Variants in NEK10 observed in about 807,000 individuals in gnomAD.
The protein encoded by NEK10 is NIMA related kinase 10.
In NEK10, 122 loss-of-function variants were observed where a neutral mutation model predicts 159.8. The ratio of observed to expected loss-of-function variants is 0.76; its 90% CI spans 0.66 to 0.89. NEK10 has a LOEUF of 0.89. Ranked by LOEUF, NEK10 falls within the 40% of genes least tolerant of loss-of-function variation. NEK10 has a pLI of 0.00. For missense variants in NEK10, 1,342 were observed against 1,323.1 expected, an observed-to-expected ratio of 1.01 and a Z score of -0.22; for synonymous variants, 466 against 457.1, an observed-to-expected ratio of 1.02 and a Z score of -0.25.
At chr3:27,165,231 A>T (rs1319745315) in intron 29 of NEK10, among the ~76,000 whole-genome samples, 1 of 152,234 alleles carries the variant, frequency 6.6e-6, no homozygotes, top group Non-Finnish European at 1.5e-5. Flanking sequence ...TTTCTCTGGA[A>T]ATTATATCAC....
intron 22 of NEK10, among the ~76,000 whole-genome samples, chr3:27,276,011 C>A (rs2041744722): frequency 6.6e-6 from 1 of 152,016 alleles, no homozygotes; most frequent in Non-Finnish European, 1.5e-5. Flanking sequence ...TTGTTTTAAG[C>A]ACTCTTTCTA....
intron 1 of NEK10, among the ~76,000 whole-genome samples, chr3:27,353,813 G>C (rs562569980): frequency 6.6e-6 from 1 of 151,882 alleles, no homozygotes; most frequent in Non-Finnish European, 1.5e-5. Flanking sequence ...TCTACCACAA[G>C]CAAAAAAACA....
At chr3:27,312,374 C>T (rs537029252) in intron 7 of NEK10, among the ~76,000 whole-genome samples, 197 bp from the exon 8 acceptor site, 3 of 152,150 alleles carry the variant, frequency 2.0e-5, no homozygotes, top group South Asian at 2.1e-4. Context: ...GCTTCTCTTG[C>T]GTGCTATGAA....
chr3:27,221,955 A>G (rs567276172), intron 23 of NEK10, among the ~76,000 whole-genome samples: 51 of 152,350 alleles, frequency 3.3e-4, no homozygotes, highest in African/African-American at 1.2e-3. Flanking sequence ...CATACATCGT[A>G]AAAGTATAAA....
chr3:27,293,739 T>C, intron 15 of NEK10, 87 bp from the exon 16 acceptor site: 1 of 710,054 alleles, frequency 1.4e-6, no homozygotes, highest in Non-Finnish European at 2.3e-6. Context: ...AAGTAAACAT[T>C]AACGTGACTT....
chr3:27,210,236 C>G (rs945581879), intron 23 of NEK10, among the ~76,000 whole-genome samples: 1 of 152,084 alleles, frequency 6.6e-6, no homozygotes, highest in African/African-American at 2.4e-5. Context: ...CTGGTGAGGG[C>G]CCTCTTGCTG....
chr3:27,158,117 AC>A (rs1381221680), intron 30 of NEK10, among the ~76,000 whole-genome samples: 3 of 152,172 alleles, frequency 2.0e-5, no homozygotes, highest in Non-Finnish European at 4.4e-5. Flanking sequence ...CCGGGACGGA[AC>A]CTGCAATATC....
intron 23 of NEK10, among the ~76,000 whole-genome samples, chr3:27,205,919 G>A (rs1030040019): frequency 8.7e-5 from 13 of 150,274 alleles, no homozygotes; most frequent in Non-Finnish European, 1.9e-4. Context: ...GAGTGAACAG[G>A]CAACCTACAA....
chr3:27,182,204 A>G (rs575798598), intron 26 of NEK10, among the ~76,000 whole-genome samples: 1 of 152,310 alleles, frequency 6.6e-6, no homozygotes, highest in East Asian at 1.9e-4. Flanking sequence ...AAGTGTTCTC[A>G]CCACAAAAAT....
At position 27,291,396 on chromosome 3, in the gene NEK10, C is replaced by T. The variant is rs755341486; in HGVS notation, c.1477-6G>A. Reference sequence around the variant, plus strand: ...ATTTGCTTCAGTTCATCCTCCTAATCAAAATATAAAAAGGAAATGGGTTTC... The same window carrying T: ...ATTTGCTTCAGTTCATCCTCCTAATTAAAATATAAAAAGGAAATGGGTTTC... On this transcript the variant is annotated splice_region_variant and splice_polypyrimidine_tract_variant and intron_variant, in intron 17 of 35. Transcript: ENST00000691995. 1 of 1,610,296 alleles carries T rather than the reference C, an allele frequency of 6.2e-7. No homozygotes were observed. The highest frequency in any genetic ancestry group is 8.5e-7 in the Non-Finnish European group (1 of 1,178,228).
intron 23 of NEK10, among the ~76,000 whole-genome samples, chr3:27,221,757 G>C (rs9842044): frequency 0.63 from 95,635 of 151,936 alleles, 31,775 homozygotes; most frequent in African/African-American, 0.86. Context: ...AGAACTCACT[G>C]CCTGGTCCCT....
intron 1 of NEK10, among the ~76,000 whole-genome samples, chr3:27,359,196 C>T (rs1437642768): frequency 2.9e-5 from 1 of 34,964 alleles, no homozygotes; most frequent in Non-Finnish European, 5.3e-5. Flanking sequence ...AATGAAACTC[C>T]ATTTCAAAAA....
chr3:27,199,329 A>C (rs923470307), intron 25 of NEK10, among the ~76,000 whole-genome samples: 1 of 152,234 alleles, frequency 6.6e-6, no homozygotes, highest in Non-Finnish European at 1.5e-5. Context: ...AAAAGAAGGC[A>C]TACATGTAGC....
intron 23 of NEK10, among the ~76,000 whole-genome samples, chr3:27,204,090 T>C (rs1221945429): frequency 6.6e-6 from 1 of 152,060 alleles, no homozygotes; most frequent in African/African-American, 2.4e-5. Flanking sequence ...TCTCATCTAC[T>C]GAGATCTCAG....
chr3:27,142,553 C>T (rs187885067), intron 30 of NEK10, among the ~76,000 whole-genome samples: 1 of 151,658 alleles, frequency 6.6e-6, no homozygotes, highest in African/African-American at 2.4e-5. Context: ...TCTTTTCTTC[C>T]CTTCACACAA....
intron 23 of NEK10, among the ~76,000 whole-genome samples, chr3:27,220,179 A>T (rs1322282288): frequency 6.6e-6 from 1 of 152,200 alleles, no homozygotes; most frequent in Non-Finnish European, 1.5e-5. Context: ...AATCACCACA[A>T]ATTCAGTGGT....
intron 22 of NEK10, among the ~76,000 whole-genome samples, chr3:27,262,502 C>T (rs2040503693): frequency 6.6e-6 from 1 of 152,188 alleles, no homozygotes; most frequent in African/African-American, 2.4e-5. Flanking sequence ...TTCATATAGT[C>T]CCATATTTCT....
At chr3:27,312,347 G>C (rs2044764554) in intron 7 of NEK10, among the ~76,000 whole-genome samples, 170 bp from the exon 8 acceptor site, 1 of 152,104 alleles carries the variant, frequency 6.6e-6, no homozygotes, top group African/African-American at 2.4e-5. Context: ...AAGGTGACTG[G>C]GTTTCTAGAT....
chr3:27,297,108 C>A, intron 14 of NEK10, 71 bp downstream of exon 14: 1 of 920,610 alleles, frequency 1.1e-6, no homozygotes. Flanking sequence ...TTCTGGGATA[C>A]AGACTGCACC....
Sources: gnomAD v4.1 joint callset for allele counts (sites outside exome capture counted in the v4.1 genomes callset) on GRCh38, gnomAD v4.1.1 for gene constraint, MANE v1.5 for transcripts, NCBI Gene and HGNC (gene_info 2026-07-23, HGNC 2026-07-21) for gene names.